The following NUBP1 variants were observed in gnomAD, a reference collection of about 807,000 sequenced individuals.
NUBP1 encodes the protein cytosolic Fe-S cluster assembly factor NUBP1.
NUBP1 carries 46 observed loss-of-function variants against 41.8 expected under a neutral mutation model. The observed-to-expected ratio is 1.10, with a 90% CI of 0.87 to 1.41. NUBP1 has a LOEUF of 1.41. Among genes scored for constraint, NUBP1 ranks in the 40% most tolerant of loss-of-function variants. The pLI is 0.00. For synonymous variants in NUBP1, 189 were observed against 154.6 expected, an observed-to-expected ratio of 1.22 and a Z score of -1.65; for missense variants, 494 against 414.0, an observed-to-expected ratio of 1.19 and a Z score of -1.68.
At chr16:10,755,234 G>A (rs993962089) in intron 4 of NUBP1, among the ~76,000 whole-genome samples, 3 of 152,136 alleles carry the variant, frequency 2.0e-5, no homozygotes, top group Admixed American at 6.6e-5. Context: ...ACACCTGCTG[G>A]GGGGAAGAGG....
In NUBP1 at chr16:10,759,315, A is replaced by G. The variant is rs1474522002; in HGVS notation, c.606+1288A>G. Among the ~76,000 whole-genome samples, 1 of 152,188 alleles carries G rather than the reference A, an allele frequency of 6.6e-6. No individual in the cohort carries two copies. The highest frequency in any genetic ancestry group is 1.5e-5 in the Non-Finnish European group (1 of 68,030). ...GGTGTCCGGGTCAGAAAATGGTGCAAGATTCATGTCCACCCTGGCATCCTG... is the reference window on the plus strand; with the variant it reads ...GGTGTCCGGGTCAGAAAATGGTGCAGGATTCATGTCCACCCTGGCATCCTG... On this transcript the variant is annotated intron_variant, in intron 7 of 10. Transcript: ENST00000283027. The surrounding 1 kb of genome is among the most constrained non-coding windows in gnomAD (Gnocchi z 4.7).
chr16:10,761,124 C>A (rs1233730133), intron 7 of NUBP1: 3 of 395,126 alleles, frequency 7.6e-6, no homozygotes, highest in African/African-American at 6.2e-5. Flanking sequence ...GGGGAAACTG[C>A]CCCCATGATC....
chr16:10,765,712 T>A lies in NUBP1; in HGVS notation c.821-2237T>A, dbSNP rs894674929. On this transcript the variant is annotated intron_variant, in intron 9 of 10. Transcript: ENST00000283027. The surrounding 1 kb of genome is among the most constrained non-coding windows in gnomAD (Gnocchi z 4.0). ...AAGCCCTGGCATTGGCCCTGGTCTT[T>A]CCTTTCAGGGCCACTTTTCACAAAG... 2.6e-5 allele frequency among the ~76,000 whole-genome samples: 4 copies of A among 152,194 alleles called. No homozygotes were observed. The highest frequency in any genetic ancestry group is 5.9e-5 in the Non-Finnish European group (4 of 68,036).
At chr16:10,746,774 CATT>C (rs1193187759) in intron 2 of NUBP1, among the ~76,000 whole-genome samples, 1 of 152,130 alleles carries the variant, frequency 6.6e-6, no homozygotes, top group Non-Finnish European at 1.5e-5. Flanking sequence ...TGTCTCCAGA[CATT>C]ACCAAATGTC....
In NUBP1 at chr16:10,757,178, G is replaced by A. The variant is rs1367378942; in HGVS notation, c.451+398G>A. 6.6e-5 allele frequency among the ~76,000 whole-genome samples: 10 copies of A among 152,086 alleles called. No homozygotes were observed. Among genetic ancestry groups the A allele is most frequent in the Admixed American group, 6.6e-4 (10 of 15,254 alleles). On this transcript the variant is annotated intron_variant, in intron 6 of 10. Coordinates refer to ENST00000283027, the MANE Select transcript of NUBP1 (RefSeq NM_002484.4). The surrounding 1 kb of genome is among the most constrained non-coding windows in gnomAD (Gnocchi z 4.1). ...TAGCCGAGCATGGTGGCACGTACCT[G>A]TAATCCCAGCTACTCGAGAGGCTGA...
At chr16:10,763,319 G>C (rs1048594646) in intron 9 of NUBP1, among the ~76,000 whole-genome samples, 6 of 152,108 alleles carry the variant, frequency 3.9e-5, no homozygotes, top group Non-Finnish European at 7.4e-5. Flanking sequence ...CAGGAGGACA[G>C]TGTTGGGGGA....
At chr16:10,758,057 C>A (rs1451444060) in intron 7 of NUBP1, 30 bp downstream of exon 7, 2 of 1,607,474 alleles carry the variant, frequency 1.2e-6, no homozygotes, top group Admixed American at 1.7e-5. Flanking sequence ...GAGCTGGGTC[C>A]AAACTGTGCT....
chr16:10,752,817 C>A, intron 4 of NUBP1, 139 bp downstream of exon 4: 1 of 721,656 alleles, frequency 1.4e-6, no homozygotes, highest in South Asian at 1.7e-5. Context: ...GTTTTTGAGA[C>A]AAGGTCTCAC....
intron 4 of NUBP1, among the ~76,000 whole-genome samples, chr16:10,755,339 C>T (rs1456695442): frequency 2.6e-5 from 4 of 152,228 alleles, no homozygotes; most frequent in African/African-American, 9.6e-5. Context: ...TCATTCCCTT[C>T]ACTCCTGTGC....
At chr16:10,754,232 T>C (rs1473420135) in intron 4 of NUBP1, among the ~76,000 whole-genome samples, 1 of 151,394 alleles carries the variant, frequency 6.6e-6, no homozygotes, top group East Asian at 1.9e-4. Flanking sequence ...TATTTTATTT[T>C]ATTTTATTTT....
chr16:10,744,064 G>A lies in NUBP1; in HGVS notation c.123G>A (p.Thr41=), dbSNP rs778997372. Residue 41 remains threonine (T), a splice_region_variant and synonymous_variant, in exon 2 of 11, where the codon ACG becomes ACA. Coordinates refer to ENST00000283027, the MANE Select transcript of NUBP1 (RefSeq NM_002484.4). ...CASGAGATPD[T]AIEEIKEKMK... ...CTGGAGCGGGGGCCACTCCGGACAC[G>A]GGTGAGAAAAGGGCAAGGCCTCAAC... 1.9e-6 allele frequency: 3 copies of A among 1,576,978 alleles called. No individual in the cohort carries two copies. The highest frequency in any genetic ancestry group is 2.7e-5 in the African/African-American group (2 of 73,036).
intron 3 of NUBP1, among the ~76,000 whole-genome samples, chr16:10,751,433 G>A (rs899997916): frequency 6.6e-5 from 10 of 152,202 alleles, no homozygotes; most frequent in Admixed American, 2.6e-4. Flanking sequence ...GTGCTGGTCT[G>A]TGGATGGCGT....
intron 3 of NUBP1, among the ~76,000 whole-genome samples, chr16:10,748,281 G>C (rs575718578): frequency 2.4e-4 from 36 of 152,184 alleles, no homozygotes; most frequent in African/African-American, 7.0e-4. Context: ...TAGTACCTAA[G>C]TACCTACATA....
chr16:10,746,995 A>G (rs1900091307), intron 2 of NUBP1, 148 bp from the exon 3 acceptor site: 1 of 852,014 alleles, frequency 1.2e-6, no homozygotes, highest in Non-Finnish European at 1.8e-6. Context: ...TATTTCTACC[A>G]TTGTCTGAGA....
chr16:10,763,871 T>C lies in NUBP1; in HGVS notation c.820+2012T>C, dbSNP rs2030402052. ...CGGCCCATAGGAGTATCTCAGCCCC[T>C]GGAAGCATCTCAGCCCAAGGGAGCA... On this transcript the variant is annotated intron_variant, in intron 9 of 10. Coordinates refer to ENST00000283027, the MANE Select transcript of NUBP1 (RefSeq NM_002484.4). The C allele has an allele frequency of 2.4e-5, 4 of 166,144 alleles. No individual in the cohort carries two copies. The South Asian group carries it at 4.8e-4, about 20-fold the overall frequency. The allele number at this position is 166,144 out of a possible 1,614,324, so 10.3% of individuals were successfully genotyped here.
chr16:10,758,908 G>A (rs551970844), intron 7 of NUBP1, among the ~76,000 whole-genome samples: 18 of 152,342 alleles, frequency 1.2e-4, no homozygotes, highest in Non-Finnish European at 2.1e-4. Flanking sequence ...AGAGCGATAG[G>A]AAGTTTCCTC....
At chr16:10,745,189 G>A (rs1486520197) in intron 2 of NUBP1, among the ~76,000 whole-genome samples, 2 of 151,540 alleles carry the variant, frequency 1.3e-5, no homozygotes, top group African/African-American at 2.4e-5. Flanking sequence ...GACAGGCCGG[G>A]TGCAGTGGCT....
intron 7 of NUBP1, chr16:10,760,799 G>T (rs1368659847): frequency 6.6e-6 from 1 of 152,380 alleles, no homozygotes; most frequent in Non-Finnish European, 1.5e-5. Context: ...GAAGTAAATA[G>T]CACCTCGAAC....
intron 7 of NUBP1, 102 bp downstream of exon 7, chr16:10,758,129 C>A: frequency 7.3e-7 from 1 of 1,361,828 alleles, no homozygotes; most frequent in South Asian, 1.3e-5. Flanking sequence ...AGGCTCTTCC[C>A]AGTGTGTGTT....
Sources: allele counts gnomAD v4.1 joint callset (sites outside exome capture counted in the v4.1 genomes callset), GRCh38; gene constraint gnomAD v4.1.1; non-coding constraint Gnocchi (gnomAD v3.1); transcripts MANE v1.5; gene names NCBI Gene and HGNC (gene_info 2026-07-23, HGNC 2026-07-21).